Variants in KHDRBS2 observed in about 807,000 individuals in gnomAD.
KHDRBS2 encodes the protein KH RNA binding domain containing, signal transduction associated 2.
KHDRBS2 carries 26 observed loss-of-function variants against 44.3 expected under a neutral mutation model. The observed-to-expected ratio is 0.59, with a 90% CI of 0.43 to 0.81. The LOEUF is 0.81. Among genes scored for constraint, KHDRBS2 ranks in the 40% least tolerant of loss-of-function variants. The pLI is 0.00. For missense variants in KHDRBS2, 476 were observed against 433.1 expected (o/e 1.10, Z -0.88); for synonymous variants, 194 against 151.1 (o/e 1.28, Z -2.08).
chr6:61,657,793 C>T, the KHDRBS2 span, among the ~76,000 whole-genome samples: 2 of 151,908 alleles, frequency 1.3e-5, no homozygotes, highest in Non-Finnish European at 2.9e-5. Flanking sequence ...TTCTCATATG[C>T]CTTTTCCACC....
intron 6 of KHDRBS2, among the ~76,000 whole-genome samples, chr6:61,874,736 TAGA>T (rs1799165735): frequency 6.6e-6 from 1 of 152,106 alleles, no homozygotes; most frequent in South Asian, 2.1e-4. Context: ...GAGGTTAGCT[TAGA>T]AGCACGTGGC....
chr6:61,954,973 C>CATAT (rs1464288326), intron 4 of KHDRBS2, among the ~76,000 whole-genome samples: 2 of 116,146 alleles, frequency 1.7e-5, no homozygotes, highest in Non-Finnish European at 3.5e-5. Flanking sequence ...TATACGCATA[C>CATAT]ATATGTATGT....
chr6:61,580,728 T>C, the KHDRBS2 span, among the ~76,000 whole-genome samples: 2 of 152,024 alleles, frequency 1.3e-5, no homozygotes, highest in African/African-American at 4.8e-5. Flanking sequence ...ACACTCGCTG[T>C]GAAGGTCTGC....
chr6:62,208,356 A>G (rs915393662), intron 1 of KHDRBS2, among the ~76,000 whole-genome samples: 2 of 152,130 alleles, frequency 1.3e-5, no homozygotes, highest in Non-Finnish European at 2.9e-5. Flanking sequence ...CAGCCTCCCA[A>G]GTAGCTGGGA....
At chr6:62,274,063 G>A (rs1296255633) in intron 1 of KHDRBS2, among the ~76,000 whole-genome samples, 3 of 152,116 alleles carry the variant, frequency 2.0e-5, no homozygotes, top group Admixed American at 1.3e-4. Context: ...AGTCTCCTGA[G>A]TAGCAGGGAC....
At position 61,894,771 on chromosome 6, in the gene KHDRBS2, C is replaced by G. The variant is rs1408764252; in HGVS notation, c.674G>C (p.Gly225Ala). The G allele has an allele frequency of 1.2e-6, 2 of 1,613,334 alleles. No homozygotes were observed. Among genetic ancestry groups the G allele is most frequent in the Non-Finnish European group, 1.7e-6 (2 of 1,179,740 alleles). The change falls in exon 6 of 9, where the codon GGA becomes GCA. Residue 225 changes from glycine to alanine, a missense_variant. By Grantham distance (60) the Gly-to-Ala change is moderately conservative (BLOSUM62 0). Coordinates refer to ENST00000281156, the MANE Select transcript of KHDRBS2 (RefSeq NM_152688.4). The part of the protein sequence containing the change: ...PPGRGVLTPR[G>A]STVTRGALPV... The stretch of plus-strand genomic sequence containing the variant: ...AAGCGCTCCACGGGTTACAGTGCTT[C>G]CCCGAGGGGTGAGAACACCTCGTCC...
chr6:61,924,269 A>G (rs773875467), intron 4 of KHDRBS2, among the ~76,000 whole-genome samples: 10 of 152,092 alleles, frequency 6.6e-5, no homozygotes, highest in Non-Finnish European at 1.0e-4. Flanking sequence ...AACCTAATCT[A>G]TGGGGCCTTC....
chr6:61,767,509 T>A (rs1282124019), intron 6 of KHDRBS2, among the ~76,000 whole-genome samples: 1 of 152,008 alleles, frequency 6.6e-6, no homozygotes, highest in Non-Finnish European at 1.5e-5. Context: ...TTTGGTTTTC[T>A]TTTTTTGTCA....
At chr6:61,815,309 A>G (rs1357466116) in intron 6 of KHDRBS2, among the ~76,000 whole-genome samples, 1 of 152,162 alleles carries the variant, frequency 6.6e-6, no homozygotes, top group Non-Finnish European at 1.5e-5. Flanking sequence ...ACAATTTAAA[A>G]CTTAACAAAT....
At position 62,070,476 on chromosome 6, in the gene KHDRBS2, C is replaced by A. The variant is rs542736777; in HGVS notation, c.220-22482G>T. 4.6e-5 allele frequency among the ~76,000 whole-genome samples: 7 copies of A among 152,084 alleles called. No homozygotes were observed. In the South Asian group the frequency reaches 1.5e-3, roughly 32 times the overall value. ...TTAACATTAGGTATATCTCCTAATG[C>A]TATCCCTCCCCCCTCCTCCCACCCT... On this transcript the variant is annotated intron_variant, in intron 2 of 8. Coordinates refer to ENST00000281156, the MANE Select transcript of KHDRBS2 (RefSeq NM_152688.4).
chr6:61,559,328 G>A, the KHDRBS2 span, among the ~76,000 whole-genome samples: 7 of 147,484 alleles, frequency 4.7e-5, no homozygotes, highest in African/African-American at 1.7e-4. Context: ...TGTGTTTCTT[G>A]TAGGCAACAG....
intron 6 of KHDRBS2, among the ~76,000 whole-genome samples, chr6:61,864,446 T>C (rs1797496844): frequency 6.6e-6 from 1 of 152,186 alleles, no homozygotes; most frequent in South Asian, 2.1e-4. Context: ...GGGTCTCTTG[T>C]AAGGAAGGTC....
chr6:61,890,887 T>C (rs1264426602), intron 6 of KHDRBS2, among the ~76,000 whole-genome samples: 4 of 152,198 alleles, frequency 2.6e-5, no homozygotes, highest in Non-Finnish European at 5.9e-5. Context: ...TGATAGTTGA[T>C]GTAGTGAAGA....
chr6:61,787,405 A>G (rs1444841912), intron 6 of KHDRBS2, among the ~76,000 whole-genome samples: 7 of 151,840 alleles, frequency 4.6e-5, no homozygotes, highest in Admixed American at 4.6e-4. Context: ...AGGATATTAT[A>G]TGACAGATAC....
At chr6:61,940,452 T>C (rs1301052405) in intron 4 of KHDRBS2, among the ~76,000 whole-genome samples, 2 of 152,006 alleles carry the variant, frequency 1.3e-5, no homozygotes, top group African/African-American at 2.4e-5. Context: ...TTCCAGGAGA[T>C]TGTGCAATGG....
chr6:62,094,124 C>T (rs993644993), intron 2 of KHDRBS2, among the ~76,000 whole-genome samples: 4 of 151,804 alleles, frequency 2.6e-5, no homozygotes, highest in African/African-American at 7.3e-5. Context: ...TTTCCATTAT[C>T]GCTGTATTAA....
chr6:61,718,851 T>G (rs1284098509), intron 7 of KHDRBS2, among the ~76,000 whole-genome samples: 1 of 152,184 alleles, frequency 6.6e-6, no homozygotes, highest in Non-Finnish European at 1.5e-5. Context: ...AATAGTTCCC[T>G]GGTTAAACTC....
chr6:62,117,916 C>T (rs1806660721), intron 2 of KHDRBS2, among the ~76,000 whole-genome samples: 1 of 152,106 alleles, frequency 6.6e-6, no homozygotes, highest in African/African-American at 2.4e-5. Context: ...GCTTGGATTA[C>T]AGGTGCCCAC....
At chr6:61,649,251 G>A in the KHDRBS2 span, among the ~76,000 whole-genome samples, 1 of 152,068 alleles carries the variant, frequency 6.6e-6, no homozygotes, top group Non-Finnish European at 1.5e-5. Flanking sequence ...TAGTGGCTTG[G>A]GTCTTTATGA....
Sources: gnomAD v4.1 joint callset for allele counts (sites outside exome capture counted in the v4.1 genomes callset) on GRCh38, gnomAD v4.1.1 for gene constraint, MANE v1.5 for transcripts, NCBI Gene and HGNC (gene_info 2026-07-23, HGNC 2026-07-21) for gene names.